The following RUVBL2 variants were observed in gnomAD, a reference collection of about 807,000 sequenced individuals.
RUVBL2 encodes the protein ruvB-like 2.
Under a neutral mutation model 57.9 loss-of-function variants are expected in RUVBL2, and 9 were observed. That is an observed-to-expected ratio of 0.16 (90% CI 0.09 to 0.27). The LOEUF (loss-of-function observed/expected upper bound fraction) is 0.27, where lower values mean the gene tolerates loss of function less well. RUVBL2 is among the 10% of genes least tolerant of loss of function. The pLI, the probability that RUVBL2 is intolerant of heterozygous loss-of-function variation, is 1.00. For synonymous variants in RUVBL2, 278 were observed against 264.6 expected (o/e 1.05, Z -0.49); for missense variants, 456 against 669.6 (o/e 0.68, Z 3.52).
At position 49,011,310 on chromosome 19, in the gene RUVBL2, G is replaced by A. The variant is rs544975709; in HGVS notation, c.1001G>A (p.Arg334Gln). 204 of 1,612,692 alleles carry A rather than the reference G, an allele frequency of 1.3e-4. No homozygotes were observed. The highest frequency in any genetic ancestry group is 5.0e-4 in the Middle Eastern group (3 of 6,060). The change falls in exon 11 of 15, where the codon CGA (arginine) becomes CAA (glutamine). Residue 334 changes from arginine (R) to glutamine (Q), a missense_variant and splice_region_variant. Arg to Gln is a conservative substitution (Grantham distance 43). Around this residue, in one of 5 missense-constraint regions of RUVBL2, gnomAD observed 130 missense variants for 243.0 expected, o/e 0.53. Coordinates refer to ENST00000595090, the MANE Select transcript of RUVBL2 (RefSeq NM_006666.3). The surrounding 1 kb of genome is among the most constrained non-coding windows in gnomAD (Gnocchi z 4.4). ...LIMATNRGIT[R>Q]IRGTSYQSPH... ...ATGGCCACCAACCGTGGCATCACGCGGTGAGCCGGCTACAGGGGCCTCTGG... is the reference window on the plus strand; with the variant it reads ...ATGGCCACCAACCGTGGCATCACGCAGTGAGCCGGCTACAGGGGCCTCTGG...
At chr19:48,994,699 G>A (rs2039018819) in intron 1 of RUVBL2, 1 of 152,262 alleles carries the variant, frequency 6.6e-6, no homozygotes, top group African/African-American at 2.4e-5. Context: ...GGAGGCCGAG[G>A]CGGGCGGATC....
Position 49,015,573 on chromosome 19 carries a change from G to T in RUVBL2, c.1253G>T (p.Gly418Val). Residue 418 changes from glycine to valine, a missense_variant and splice_region_variant, in exon 14 of 15, where the codon GGT becomes GTT. Coordinates refer to ENST00000595090, the MANE Select transcript of RUVBL2 (RefSeq NM_006666.3). ...AASLVCRKRK[G>V]TEVQVDDIKR... The stretch of plus-strand genomic sequence containing the variant: ...TGAGGACTCGCCCTCCCCCTCCAGG[G>T]TACAGAAGTGCAGGTGGATGACATC... The T allele has an allele frequency of 1.2e-6, 2 of 1,612,708 alleles. No individual in the cohort carries two copies. The highest frequency in any genetic ancestry group is 1.7e-6 in the Non-Finnish European group (2 of 1,178,852).
chr19:49,013,085 T>C (rs2039466003), intron 11 of RUVBL2, among the ~76,000 whole-genome samples: 1 of 152,180 alleles, frequency 6.6e-6, no homozygotes. Flanking sequence ...TGCCTCAGCC[T>C]CCTGAGTAGC....
At chr19:49,009,586 C>T (rs141039192) in intron 6 of RUVBL2, among the ~76,000 whole-genome samples, 190 bp from the exon 7 acceptor site, 224 of 152,328 alleles carry the variant, frequency 1.5e-3, no homozygotes, top group African/African-American at 3.6e-3. Flanking sequence ...TGTTCAGCCG[C>T]GGAGCCATCA....
rs143494857 is a variant in RUVBL2 at position 49,009,826 on chromosome 19, C to T, written c.513C>T (p.Ile171=). 2.8e-5 allele frequency: 45 copies of T among 1,614,142 alleles called. No individual in the cohort carries two copies. In the East Asian group the frequency reaches 9.6e-4, roughly 34 times the overall value. The change falls in exon 7 of 15, where the codon ATC becomes ATT. Residue 171 remains isoleucine, a synonymous_variant. Transcript: ENST00000595090. ...TCAAGACCACAGAGATGGAGACCAT[C>T]TACGACCTGGGCACCAAGATGATTG... is the stretch of plus-strand genomic sequence containing the variant. ...LTLKTTEMET[I]YDLGTKMIES...
chr19:49,015,243 T>C (rs1473483743), intron 13 of RUVBL2, 93 bp downstream of exon 13: 1 of 1,515,112 alleles, frequency 6.6e-7, no homozygotes, highest in African/African-American at 1.4e-5. Flanking sequence ...CATCCTAGAA[T>C]GTACGTTTTC....
chr19:49,013,896 G>C (rs746861535), intron 11 of RUVBL2, among the ~76,000 whole-genome samples: 3 of 152,246 alleles, frequency 2.0e-5, no homozygotes, highest in Admixed American at 1.3e-4. Flanking sequence ...CCTCGCAACA[G>C]AGCGAGACTC....
At chr19:49,003,184 C>CAG in intron 2 of RUVBL2, 95 bp from the exon 3 acceptor site, 1 of 1,030,272 alleles carries the variant, frequency 9.7e-7, no homozygotes. Context: ...CCACCCACCC[C>CAG]TTTGACAAAG....
intron 11 of RUVBL2, 35 bp from the exon 12 acceptor site, chr19:49,014,449 C>A (rs558166704): frequency 6.2e-7 from 1 of 1,602,952 alleles, no homozygotes; most frequent in Admixed American, 1.7e-5. Flanking sequence ...AGGGAACATG[C>A]CCCTGACAGC....
Position 49,001,148 on chromosome 19 carries a change from A to C in RUVBL2, c.67+1775A>C, listed in dbSNP as rs1203928528. On this transcript the variant is annotated intron_variant, in intron 2 of 14. Transcript: ENST00000595090. The stretch of plus-strand genomic sequence containing the variant: ...GACAGAGTGAGACGCTCTCTCAAAA[A>C]ATAAAAATAAAAACATTTTTTTTTT... Among the ~76,000 whole-genome samples, 3 of 151,416 alleles carry C rather than the reference A, an allele frequency of 2.0e-5. No homozygotes were observed. The East Asian group carries it at 5.8e-4, about 29-fold the overall frequency.
chr19:49,010,481 C>CCCCCCCACCA lies in RUVBL2; in HGVS notation c.664-5_664-4insCCCCACCACC. The CCCCCCCACCA allele has an allele frequency of 6.2e-7, 1 of 1,602,844 alleles. No individual in the cohort carries two copies. The highest frequency in any genetic ancestry group is 8.5e-7 in the Non-Finnish European group (1 of 1,171,066). ...TCCGCCGTTCTTCCCCCACCCCCGC[C>CCCCCCCACCA]CCATAGACCAAGTTCGTGCAGTGCC... On this transcript the variant is annotated splice_polypyrimidine_tract_variant and splice_region_variant and intron_variant, in intron 8 of 14. Transcript: ENST00000595090.
At chr19:49,001,096 G>A (rs2039169655) in intron 2 of RUVBL2, among the ~76,000 whole-genome samples, 1 of 150,434 alleles carries the variant, frequency 6.6e-6, no homozygotes, top group African/African-American at 2.5e-5. Flanking sequence ...GGTGAGATGT[G>A]ACTGCACCAT....
chr19:49,009,292 TC>T (rs1241042165), intron 6 of RUVBL2, among the ~76,000 whole-genome samples: 1 of 142,906 alleles, frequency 7.0e-6, no homozygotes, highest in Non-Finnish European at 1.5e-5. Context: ...ATCGAGACCA[TC>T]CTGGCTATCA....
chr19:49,005,305 G>A (rs985474308), intron 4 of RUVBL2, among the ~76,000 whole-genome samples: 1 of 152,220 alleles, frequency 6.6e-6, no homozygotes, highest in South Asian at 2.1e-4. Flanking sequence ...TGCTCGGACT[G>A]GACACTGGGG....
At chr19:48,993,835 C>G, upstream of RUVBL2, 1 of 1,575,166 alleles carries the variant, frequency 6.3e-7, no homozygotes, top group Non-Finnish European at 8.7e-7. Flanking sequence ...GAAGAACCAG[C>G]TAGCCTAGAG....
Position 49,009,870 on chromosome 19 carries a change from A to G in RUVBL2, c.557A>G (p.Lys186Arg), listed in dbSNP as rs771123322. 6.2e-7 allele frequency: 1 copy of G among 1,614,030 alleles called. No homozygotes were observed. The highest frequency in any genetic ancestry group is 8.5e-7 in the Non-Finnish European group (1 of 1,179,960). The change falls in exon 7 of 15, where the codon AAG becomes AGG. Residue 186 changes from lysine to arginine, a missense_variant. Physicochemically the swap from Lys to Arg is conservative, Grantham distance 26. Coordinates refer to ENST00000595090, the MANE Select transcript of RUVBL2 (RefSeq NM_006666.3). ...TKMIESLTKD[K>R]VQAGDVITID... The stretch of plus-strand genomic sequence containing the variant: ...ATGATTGAGTCCCTGACCAAGGACA[A>G]GGTCCAGGCCGGGTGAGCAGTCAGG...
chr19:49,014,913 G>A, intron 12 of RUVBL2, 108 bp from the exon 13 acceptor site: 1 of 1,404,182 alleles, frequency 7.1e-7, no homozygotes, highest in Non-Finnish European at 9.6e-7. Flanking sequence ...TAAGATGCAG[G>A]CGCCACATAT....
chr19:49,013,048 C>T (rs1382078651), intron 11 of RUVBL2, among the ~76,000 whole-genome samples: 1 of 152,256 alleles, frequency 6.6e-6, no homozygotes, highest in Non-Finnish European at 1.5e-5. Flanking sequence ...ACTGCAACCT[C>T]TGCCTTCTGG....
chr19:49,009,402 G>A (rs941053219), intron 6 of RUVBL2, among the ~76,000 whole-genome samples: 2 of 150,720 alleles, frequency 1.3e-5, no homozygotes, highest in African/African-American at 4.9e-5. Flanking sequence ...CAGGAGAATG[G>A]CGTGAACCCG....
Sources: gnomAD v4.1 joint callset for allele counts (sites outside exome capture counted in the v4.1 genomes callset) on GRCh38, gnomAD v4.1.1 for gene constraint, gnomAD v4.1.1 regional missense constraint, Gnocchi (gnomAD v3.1) non-coding constraint, MANE v1.5 for transcripts, NCBI Gene and HGNC (gene_info 2026-07-23, HGNC 2026-07-21) for gene names.